Variants in MECOM observed in about 807,000 individuals in gnomAD.
The protein encoded by MECOM is histone-lysine N-methyltransferase MECOM.
MECOM carries 13 observed loss-of-function variants against 116.3 expected under a neutral mutation model. That is an observed-to-expected ratio of 0.11 (90% CI 0.07 to 0.18). MECOM has a LOEUF of 0.18. Among genes scored for constraint, MECOM ranks in the 10% least tolerant of loss-of-function variants. The pLI is 1.00. For missense variants in MECOM, 1,299 were observed against 1,509.0 expected, an observed-to-expected ratio of 0.86 and a Z score of 2.31; for synonymous variants, 528 against 535.2, an observed-to-expected ratio of 0.99 and a Z score of 0.19.
chr3:169,322,996 G>GT lies in MECOM; in HGVS notation c.375+58190dup, dbSNP rs200740099. On this transcript the variant is annotated intron_variant, in intron 2 of 16. Transcript: ENST00000651503. ...GCCTGCATGACAGAGCAAGACTCCG[G>GT]TAAAAAAAAAAAAAAAAAAAAAAAA... Among the ~76,000 whole-genome samples, 91 of 43,744 alleles carry GT rather than the reference G, an allele frequency of 2.1e-3. 6 individuals carry two copies. The highest frequency in any genetic ancestry group is 0.021 in the South Asian group (25 of 1,216). 28.7% of individuals were successfully genotyped at this position (43,744 alleles called of 152,430 possible).
At chr3:169,190,823 G>A (rs1382381856) in intron 2 of MECOM, among the ~76,000 whole-genome samples, 1 of 152,040 alleles carries the variant, frequency 6.6e-6, no homozygotes. Flanking sequence ...TCCACAGTTT[G>A]AAGATGGCCA....
intron 1 of MECOM, among the ~76,000 whole-genome samples, chr3:169,603,427 T>C (rs1048457196): frequency 3.2e-4 from 49 of 152,340 alleles, no homozygotes; most frequent in African/African-American, 1.1e-3. Context: ...TAATTTATTA[T>C]TCAAGAAAGA....
At chr3:169,253,391 C>CT (rs11434116) in intron 2 of MECOM, among the ~76,000 whole-genome samples, 71,485 of 144,572 alleles carry the variant, frequency 0.49, 18,154 homozygotes, top group East Asian at 0.7. Context: ...CTGTTTAGTT[C>CT]TTTTTTTTTT....
At chr3:169,210,207 C>A (rs1750534362) in intron 2 of MECOM, among the ~76,000 whole-genome samples, 1 of 151,946 alleles carries the variant, frequency 6.6e-6, no homozygotes, top group South Asian at 2.1e-4. Flanking sequence ...GGAGGGAGAG[C>A]ATTAGGACAA....
In MECOM at chr3:169,372,784, C is replaced by G. The variant is rs546724489; in HGVS notation, c.375+8403G>C. On this transcript the variant is annotated intron_variant, in intron 2 of 16. Coordinates refer to ENST00000651503, the MANE Select transcript of MECOM (RefSeq NM_004991.4). ...GTCACATTTTACCCTTACAACAACT[C>G]TAATTGGTTAGATACAATTATTATT... Among the ~76,000 whole-genome samples, 8 of 152,024 alleles carry G rather than the reference C, an allele frequency of 5.3e-5. No homozygotes were observed. In the South Asian group the frequency reaches 1.5e-3, roughly 28 times the overall value.
At chr3:169,495,166 C>A (rs770805734) in intron 1 of MECOM, among the ~76,000 whole-genome samples, 22 of 152,156 alleles carry the variant, frequency 1.4e-4, no homozygotes, top group Non-Finnish European at 2.6e-4. Flanking sequence ...TAATCATTTT[C>A]ATTGCTCTCC....
chr3:169,106,375 C>T (rs1388916801), intron 10 of MECOM, among the ~76,000 whole-genome samples: 4 of 151,996 alleles, frequency 2.6e-5, no homozygotes, highest in African/African-American at 9.7e-5. Flanking sequence ...AGGCATACAA[C>T]GTGAAATAAT....
intron 1 of MECOM, among the ~76,000 whole-genome samples, chr3:169,497,499 C>A (rs1753965337): frequency 1.3e-5 from 2 of 152,062 alleles, no homozygotes; most frequent in South Asian, 4.1e-4. Context: ...GTGCCTGCCA[C>A]CAGGCCCGGC....
At position 169,143,740 on chromosome 3, in the gene MECOM, A is replaced by G. The variant is rs765297438; in HGVS notation, c.468T>C (p.Cys156=). Residue 156 remains cysteine, a synonymous_variant, in exon 3 of 17, where the codon TGT becomes TGC. Coordinates refer to ENST00000651503, the MANE Select transcript of MECOM (RefSeq NM_004991.4). ...SWLKYIRFAG[C]YDQHNLVACQ... is the part of the protein sequence containing the mutation. ...ATGCAACAAGGTTGTGCTGATCATA[A>G]CAGCCAGCGAATCTAATGTACTTGA... is the stretch of plus-strand genomic sequence containing the variant. 1 of 1,611,776 alleles carries G rather than the reference A, an allele frequency of 6.2e-7. No homozygotes were observed. The highest frequency in any genetic ancestry group is 2.2e-5 in the East Asian group (1 of 44,754).
At chr3:169,534,656 GA>G (rs138437784) in intron 1 of MECOM, among the ~76,000 whole-genome samples, 4,062 of 152,198 alleles carry the variant, frequency 0.027, 184 homozygotes, top group African/African-American at 0.094. Context: ...TTTACATAAT[GA>G]GCAAACTCGT....
chr3:169,410,136 C>T (rs116700751), intron 1 of MECOM, among the ~76,000 whole-genome samples: 44 of 152,156 alleles, frequency 2.9e-4, no homozygotes, highest in African/African-American at 3.9e-4. Flanking sequence ...ACATATCAGG[C>T]GAAATCAAAA....
intron 2 of MECOM, chr3:169,146,712 AG>A (rs1740061558): frequency 8.0e-7 from 1 of 1,246,880 alleles, no homozygotes; most frequent in Admixed American, 2.7e-5. Flanking sequence ...TAAAGTGAGG[AG>A]TTCTCTTACC....
chr3:169,654,537 C>T (rs1299267999), intron 1 of MECOM, among the ~76,000 whole-genome samples: 1 of 152,124 alleles, frequency 6.6e-6, no homozygotes, highest in Non-Finnish European at 1.5e-5. Context: ...CAAATGACTC[C>T]TTCTCCCACT....
rs1048950943 is a variant in MECOM, at chr3:169,084,851, A to G, written c.*58T>C. Reference sequence around the variant, plus strand: ...GCTCAGCAGTCTTGTAAATAGTCCTATATGAAAGAGCCATGCTACTGTTGG... The same window carrying G: ...GCTCAGCAGTCTTGTAAATAGTCCTGTATGAAAGAGCCATGCTACTGTTGG... On this transcript the variant is annotated 3_prime_UTR_variant, in exon 17 of 17. Transcript: ENST00000651503. 1 of 1,605,966 alleles carries G rather than the reference A, an allele frequency of 6.2e-7. No homozygotes were observed. Among genetic ancestry groups the G allele is most frequent in the South Asian group, 1.1e-5 (1 of 90,306 alleles).
Position 169,278,353 on chromosome 3 carries a change from A to C in MECOM, c.375+102834T>G, listed in dbSNP as rs547390216. Among the ~76,000 whole-genome samples the C allele has an allele frequency of 1.3e-4, 20 of 152,344 alleles. No homozygotes were observed. The East Asian group carries it at 3.1e-3, about 23-fold the overall frequency. ...CATATTGGACAAGTCCAGTTCTACA[A>C]GTCATTTAGATCCAGTCCTAAATGC... On this transcript the variant is annotated intron_variant, in intron 2 of 16. Transcript: ENST00000651503.
rs1189883107 is a variant in MECOM at position 169,622,009 on chromosome 3, G to C, written c.37+41327C>G. ...ACATTGGCCATCAAGTTTAAAAGAT[G>C]ATAATCTGTATTTTAAGCACTCCAA... On this transcript the variant is annotated intron_variant, in intron 1 of 16. Transcript: ENST00000651503. Among the ~76,000 whole-genome samples the C allele has an allele frequency of 3.3e-5, 5 of 152,282 alleles. No individual in the cohort carries two copies. The East Asian group carries it at 9.6e-4, about 29-fold the overall frequency.
chr3:169,590,985 A>G (rs1032693010), intron 1 of MECOM, among the ~76,000 whole-genome samples: 1 of 152,250 alleles, frequency 6.6e-6, no homozygotes, highest in Non-Finnish European at 1.5e-5. Flanking sequence ...TCTGCTTTAG[A>G]ATTGATGGAG....
chr3:169,589,580 C>G (rs1396868630), intron 1 of MECOM, among the ~76,000 whole-genome samples: 1 of 152,026 alleles, frequency 6.6e-6, no homozygotes, highest in Non-Finnish European at 1.5e-5. Flanking sequence ...TCAGCTCTGG[C>G]ATTTTATGAT....
intron 2 of MECOM, among the ~76,000 whole-genome samples, chr3:169,196,607 T>A (rs1748438225): frequency 6.6e-6 from 1 of 152,048 alleles, no homozygotes; most frequent in African/African-American, 2.4e-5. Flanking sequence ...TGAGTAGCAT[T>A]CACACTTTAA....
Sources: allele counts gnomAD v4.1 joint callset (sites outside exome capture counted in the v4.1 genomes callset), GRCh38; gene constraint gnomAD v4.1.1; transcripts MANE v1.5; gene names NCBI Gene and HGNC (gene_info 2026-07-23, HGNC 2026-07-21).